The following FOXP2 variants were observed in gnomAD, a reference collection of about 807,000 sequenced individuals.
FOXP2 encodes the protein forkhead box protein P2.
FOXP2 carries 12 observed loss-of-function variants against 115.8 expected under a neutral mutation model. That is an observed-to-expected ratio of 0.10 (90% CI 0.07 to 0.17). The LOEUF (loss-of-function observed/expected upper bound fraction) is 0.17. Among genes scored for constraint, FOXP2 ranks in the 10% least tolerant of loss-of-function variants. The probability of loss-of-function intolerance (pLI) is 1.00; values close to 1 mark genes in which losing one functional copy is unlikely to be tolerated. For missense variants in FOXP2, 629 were observed against 843.5 expected, an observed-to-expected ratio of 0.75 and a Z score of 3.15; for synonymous variants, 328 against 297.7, an observed-to-expected ratio of 1.10 and a Z score of -1.05.
At chr7:114,101,367 T>C (rs1373376124) in intron 1 of FOXP2, among the ~76,000 whole-genome samples, 1 of 152,118 alleles carries the variant, frequency 6.6e-6, no homozygotes, top group East Asian at 1.9e-4. Context: ...TGTTAAGAAA[T>C]TTGTCCAAAA....
At chr7:114,651,038 C>G (rs1399884570) in intron 8 of FOXP2, among the ~76,000 whole-genome samples, 2 of 151,834 alleles carry the variant, frequency 1.3e-5, no homozygotes, top group African/African-American at 4.8e-5. Flanking sequence ...ATGTATGTGT[C>G]TTATATTTTT....
chr7:114,642,791 TA>T (rs1805620418), intron 7 of FOXP2, among the ~76,000 whole-genome samples, 168 bp downstream of exon 7: 1 of 82,512 alleles, frequency 1.2e-5, no homozygotes, highest in Non-Finnish European at 2.0e-5. Flanking sequence ...TATATATATA[TA>T]TATATATATA....
At chr7:114,197,319 T>C (rs1011834216) in intron 1 of FOXP2, among the ~76,000 whole-genome samples, 7 of 152,246 alleles carry the variant, frequency 4.6e-5, no homozygotes, top group African/African-American at 1.7e-4. Flanking sequence ...CAAAAATTTA[T>C]TTTCTCACAG....
At chr7:114,462,277 GAAAAAAA>G (rs766244858) in intron 2 of FOXP2, among the ~76,000 whole-genome samples, 100 of 20,792 alleles carry the variant, frequency 4.8e-3, no homozygotes, top group Non-Finnish European at 7.1e-3. Context: ...GAGACTCCGT[GAAAAAAA>G]AAAAAAAAAA....
intron 1 of FOXP2, among the ~76,000 whole-genome samples, chr7:114,194,068 A>G (rs914878449): frequency 2.0e-5 from 3 of 152,086 alleles, no homozygotes; most frequent in African/African-American, 7.2e-5. Flanking sequence ...GTGCATAAAG[A>G]CTGATTTTTC....
intron 11 of FOXP2, among the ~76,000 whole-genome samples, chr7:114,659,036 T>C (rs999765165): frequency 6.6e-6 from 1 of 152,134 alleles, no homozygotes; most frequent in African/African-American, 2.4e-5. Context: ...GCAAAGATTA[T>C]AGCAGGGGGG....
intron 2 of FOXP2, among the ~76,000 whole-genome samples, chr7:114,447,607 A>G (rs1316833839): frequency 6.6e-6 from 1 of 152,016 alleles, no homozygotes; most frequent in Non-Finnish European, 1.5e-5. Context: ...CAAGTACCCC[A>G]CGCTAACATT....
chr7:114,310,199 G>A (rs1189308613), intron 2 of FOXP2, among the ~76,000 whole-genome samples: 1 of 152,194 alleles, frequency 6.6e-6, no homozygotes, highest in Non-Finnish European at 1.5e-5. Context: ...CAGGCATTTA[G>A]GGAAAGTCTA....
intron 2 of FOXP2, among the ~76,000 whole-genome samples, chr7:114,523,981 C>A (rs1248339587): frequency 6.6e-6 from 1 of 152,152 alleles, no homozygotes; most frequent in Non-Finnish European, 1.5e-5. Flanking sequence ...CTTACTTTTT[C>A]TAACTAGAGT....
chr7:114,575,705 C>T (rs527823135), intron 3 of FOXP2, among the ~76,000 whole-genome samples: 1 of 151,958 alleles, frequency 6.6e-6, no homozygotes, highest in African/African-American at 2.4e-5. Context: ...AGCTAAAGCA[C>T]ATGAAGATAC....
At chr7:114,204,915 CAA>C (rs60413933) in intron 1 of FOXP2, among the ~76,000 whole-genome samples, 2,870 of 141,644 alleles carry the variant, frequency 0.02, 32 homozygotes, top group Admixed American at 0.025. Context: ...TTGTGTGTGC[CAA>C]AAAAAAAAAA....
rs73716962 is a variant in FOXP2 at position 114,618,980 on chromosome 7, T to C, written c.259-9560T>C. Among the ~76,000 whole-genome samples the C allele has an allele frequency of 8.6e-3, 1,315 of 152,266 alleles. 21 individuals carry two copies. Among genetic ancestry groups the C allele is most frequent in the African/African-American group, 0.029 (1,221 of 41,568 alleles). ...TAATCCTGAGGATAACTGAGTGACA[T>C]GGATATACTTACCCTTATTTCACTG... On this transcript the variant is annotated intron_variant, in intron 3 of 16. Coordinates refer to ENST00000350908, the MANE Select transcript of FOXP2 (RefSeq NM_014491.4).
chr7:114,221,141 C>G (rs1033940755), intron 1 of FOXP2, among the ~76,000 whole-genome samples: 1 of 152,044 alleles, frequency 6.6e-6, no homozygotes, highest in Non-Finnish European at 1.5e-5. Context: ...TACTAAATTT[C>G]AGGTTTCTAT....
intron 2 of FOXP2, among the ~76,000 whole-genome samples, chr7:114,528,364 A>T (rs1798973494): frequency 6.6e-6 from 1 of 152,032 alleles, no homozygotes; most frequent in Admixed American, 6.6e-5. Flanking sequence ...TTTTTAAAAC[A>T]TTGTCTATGG....
chr7:114,463,816 C>T lies in FOXP2; in HGVS notation c.168+37137C>T, dbSNP rs74482256. On this transcript the variant is annotated intron_variant, in intron 2 of 16. Transcript: ENST00000350908. ...GTAAAAAACAGTACAGTATGCATGC[C>T]GTAAATATTATTTCAATACAAGTGT... Among the ~76,000 whole-genome samples, 363 of 151,844 alleles carry T rather than the reference C, an allele frequency of 2.4e-3. 10 individuals carry two copies. In the East Asian group the frequency reaches 0.064, roughly 27 times the overall value.
intron 2 of FOXP2, among the ~76,000 whole-genome samples, chr7:114,527,140 T>C (rs1241556671): frequency 6.6e-6 from 1 of 152,154 alleles, no homozygotes; most frequent in Non-Finnish European, 1.5e-5. Context: ...GTATCAATAT[T>C]CCATTCACTT....
chr7:114,197,250 A>T (rs1793937108), intron 1 of FOXP2, among the ~76,000 whole-genome samples: 1 of 152,214 alleles, frequency 6.6e-6, no homozygotes, highest in African/African-American at 2.4e-5. Flanking sequence ...CTCTAAGTTC[A>T]TGTATTAGTC....
chr7:114,462,436 A>G (rs1795615452), intron 2 of FOXP2, among the ~76,000 whole-genome samples: 1 of 118,448 alleles, frequency 8.4e-6, no homozygotes, highest in African/African-American at 3.3e-5. Flanking sequence ...CATTGGCGCT[A>G]TCTCGGCTCA....
intron 8 of FOXP2, among the ~76,000 whole-genome samples, chr7:114,647,416 TTC>T (rs1805973231): frequency 1.3e-5 from 2 of 151,396 alleles, no homozygotes; most frequent in South Asian, 4.1e-4. Flanking sequence ...TATATTCTTA[TTC>T]TTATATATTC....
Sources: gnomAD v4.1 joint callset for allele counts (sites outside exome capture counted in the v4.1 genomes callset) on GRCh38, gnomAD v4.1.1 for gene constraint, MANE v1.5 for transcripts, NCBI Gene and HGNC (gene_info 2026-07-23, HGNC 2026-07-21) for gene names.